PARPBP: variants seen among roughly 807,000 people sequenced by gnomAD.
PARPBP encodes PARP1 binding protein.
Under a neutral mutation model 50.0 loss-of-function variants are expected in PARPBP, and 52 were observed. The ratio of observed to expected loss-of-function variants is 1.04; its 90% CI spans 0.83 to 1.31. PARPBP has a LOEUF of 1.31. PARPBP is among the 50% of genes most tolerant of loss of function. The pLI, the probability that PARPBP is intolerant of heterozygous loss-of-function variation, is 0.00. For missense variants in PARPBP, 697 were observed against 672.0 expected (o/e 1.04, Z -0.41); for synonymous variants, 244 against 232.1 (o/e 1.05, Z -0.47).
intron 9 of PARPBP, among the ~76,000 whole-genome samples, chr12:102,192,802 G>GTA (rs1890914413): frequency 6.6e-6 from 1 of 151,744 alleles, no homozygotes; most frequent in Non-Finnish European, 1.5e-5. Flanking sequence ...GTAATCTCTA[G>GTA]TATACGCTGT....
chr12:102,156,176 C>CTTCT (rs1886891990), intron 4 of PARPBP, among the ~76,000 whole-genome samples: 1 of 66,176 alleles, frequency 1.5e-5, no homozygotes, highest in Non-Finnish European at 2.7e-5. Context: ...ATTAACCTTC[C>CTTCT]TTTTTTTTTT....
chr12:102,172,140 A>T (rs1029116633), intron 6 of PARPBP, among the ~76,000 whole-genome samples: 3 of 152,234 alleles, frequency 2.0e-5, no homozygotes, highest in Non-Finnish European at 4.4e-5. Flanking sequence ...TTTCATCAGC[A>T]GCCTCTTGTT....
chr12:102,167,296 A>T (rs760778259), intron 6 of PARPBP, among the ~76,000 whole-genome samples: 2 of 152,106 alleles, frequency 1.3e-5, no homozygotes, highest in Non-Finnish European at 2.9e-5. Flanking sequence ...ATATGATTTT[A>T]TGTCATGTTT....
intron 4 of PARPBP, among the ~76,000 whole-genome samples, chr12:102,163,229 C>T (rs1397191092): frequency 2.0e-5 from 3 of 152,206 alleles, no homozygotes; most frequent in Admixed American, 2.0e-4. Context: ...GTAAATACTA[C>T]TCTATCTTAA....
chr12:102,150,136 C>T (rs1885992774), intron 3 of PARPBP: 4 of 421,742 alleles, frequency 9.5e-6, no homozygotes, highest in Middle Eastern at 3.5e-4. Flanking sequence ...ATACTCTCTC[C>T]AAATGTCATC....
chr12:102,137,982 C>T (rs1165391484), intron 2 of PARPBP, among the ~76,000 whole-genome samples: 2 of 152,044 alleles, frequency 1.3e-5, no homozygotes, highest in Admixed American at 6.6e-5. Flanking sequence ...CGTGTGTCTT[C>T]GTAGCAGTAT....
chr12:102,133,966 A>G (rs1245287417), intron 2 of PARPBP, among the ~76,000 whole-genome samples: 6 of 152,098 alleles, frequency 3.9e-5, no homozygotes, highest in African/African-American at 1.2e-4. Flanking sequence ...AGCAAAAGCA[A>G]TTCTAAGAGG....
In PARPBP at chr12:102,196,750, A is replaced by C; in HGVS notation, c.*459A>C. On this transcript the variant is annotated 3_prime_UTR_variant, in exon 11 of 11. Coordinates refer to ENST00000327680, the MANE Select transcript of PARPBP (RefSeq NM_017915.5). The stretch of plus-strand genomic sequence containing the variant: ...TTGTTTAAAGGACTATAATTATCAC[A>C]CAAAATTTATTAAGAAAAAAAGAAT... 7.1e-7 allele frequency: 1 copy of C among 1,400,698 alleles called. No individual in the cohort carries two copies. The highest frequency in any genetic ancestry group is 1.7e-5 in the Admixed American group (1 of 57,946). 86.8% of individuals were successfully genotyped at this position (1,400,698 alleles called of 1,614,324 possible).
intron 6 of PARPBP, among the ~76,000 whole-genome samples, chr12:102,174,997 A>G (rs1481134244): frequency 2.0e-5 from 3 of 152,142 alleles, no homozygotes; most frequent in Admixed American, 1.3e-4. Context: ...CTCACACAGA[A>G]CACCATATGT....
intron 2 of PARPBP, among the ~76,000 whole-genome samples, chr12:102,145,101 A>C (rs1366593561): frequency 6.6e-6 from 1 of 152,164 alleles, no homozygotes; most frequent in Non-Finnish European, 1.5e-5. Flanking sequence ...GTGGATAGTA[A>C]GTACTACCAG....
At chr12:102,183,501 A>G (rs1233509910) in intron 9 of PARPBP, among the ~76,000 whole-genome samples, 1 of 152,042 alleles carries the variant, frequency 6.6e-6, no homozygotes, top group Non-Finnish European at 1.5e-5. Context: ...TCTATTGATT[A>G]TTAGTAGTTG....
chr12:102,141,219 T>A (rs1166807691), intron 2 of PARPBP, among the ~76,000 whole-genome samples: 1 of 152,218 alleles, frequency 6.6e-6, no homozygotes, highest in African/African-American at 2.4e-5. Context: ...GTTGAATTGA[T>A]CCCTTTACCA....
Position 102,196,313 on chromosome 12 carries a change from G to A in PARPBP, c.*22G>A, listed in dbSNP as rs1226776771. 3 of 1,423,850 alleles carry A rather than the reference G, an allele frequency of 2.1e-6. No individual in the cohort carries two copies. The highest frequency in any genetic ancestry group is 2.9e-6 in the Non-Finnish European group (3 of 1,043,674). 88.2% of individuals were successfully genotyped at this position (1,423,850 alleles called of 1,614,324 possible). A position where few individuals can be genotyped will look rare whatever the true frequency, so the allele number is the denominator to read the frequency against. On this transcript the variant is annotated 3_prime_UTR_variant, in exon 11 of 11. Coordinates refer to ENST00000327680, the MANE Select transcript of PARPBP (RefSeq NM_017915.5). ...ATAAATTTGTGTCTTATATGCTTTA[G>A]GTTTATGTATCTATAAACCATTCAC...
intron 9 of PARPBP, among the ~76,000 whole-genome samples, chr12:102,187,536 A>G (rs984606612): frequency 2.0e-5 from 3 of 152,166 alleles, no homozygotes; most frequent in Non-Finnish European, 4.4e-5. Flanking sequence ...ACACTCCCTA[A>G]TGAGATGAAG....
At chr12:102,146,010 G>T (rs1294344962) in intron 2 of PARPBP, among the ~76,000 whole-genome samples, 1 of 152,082 alleles carries the variant, frequency 6.6e-6, no homozygotes, top group African/African-American at 2.4e-5. Flanking sequence ...ACTTACAAAG[G>T]ATGTGAAGGA....
At chr12:102,176,069 G>A (rs1265465595) in intron 7 of PARPBP, among the ~76,000 whole-genome samples, 1 of 150,756 alleles carries the variant, frequency 6.6e-6, no homozygotes, top group Non-Finnish European at 1.5e-5. Context: ...TGCAACCTCT[G>A]CCTCCTGGGT....
chr12:102,148,436 T>A lies in PARPBP; in HGVS notation c.360T>A (p.Asn120Lys). ...AAAAATGTAGGGCTTTGACTTCTAA[T>A]TGTGAAAATTATAACACAGTATCTC... Reference protein sequence around the residue: ...VYQKCRALTSNCENYNTVSPS... With the variant: ...VYQKCRALTSKCENYNTVSPS... The change falls in exon 3 of 11, where the codon AAT becomes AAA. Residue 120 changes from asparagine to lysine, a missense_variant. Asn to Lys is a moderately conservative substitution (Grantham distance 94, BLOSUM62 0). Transcript: ENST00000327680. 2.1e-6 allele frequency: 3 copies of A among 1,462,202 alleles called. No individual in the cohort carries two copies. Among genetic ancestry groups the A allele is most frequent in the Non-Finnish European group, 2.9e-6 (3 of 1,047,144 alleles). The allele number at this position is 1,462,202 out of a possible 1,614,324, so 90.6% of individuals were successfully genotyped here.
chr12:102,155,594 T>TG (rs796474782), intron 4 of PARPBP, among the ~76,000 whole-genome samples: 9,014 of 40,118 alleles, frequency 0.22, 1,096 homozygotes, highest in Middle Eastern at 0.33. Flanking sequence ...GAGAGCATGG[T>TG]GGGGGGGGGG....
In PARPBP at chr12:102,197,177, A is replaced by G. The variant is rs753883149; in HGVS notation, c.*886A>G. ...TTATGTTTGGAGCCTGTGTTCTGTA[A>G]AGAGAAGGTTGATTTGGTTTTTAGC... On this transcript the variant is annotated 3_prime_UTR_variant, in exon 11 of 11. Transcript: ENST00000327680. 6.2e-7 allele frequency: 1 copy of G among 1,607,520 alleles called. No individual in the cohort carries two copies. Among genetic ancestry groups the G allele is most frequent in the East Asian group, 2.2e-5 (1 of 44,756 alleles).
Sources: allele counts gnomAD v4.1 joint callset (sites outside exome capture counted in the v4.1 genomes callset), GRCh38; gene constraint gnomAD v4.1.1; transcripts MANE v1.5; gene names NCBI Gene and HGNC (gene_info 2026-07-23, HGNC 2026-07-21).